CCL18: variants seen among roughly 807,000 people sequenced by gnomAD.
CCL18 encodes C-C motif chemokine ligand 18.
A neutral mutation model predicts 8.0 loss-of-function variants in CCL18; 7 were observed. That is an observed-to-expected ratio of 0.87 (90% CI 0.50 to 1.64). The LOEUF (loss-of-function observed/expected upper bound fraction) is 1.64. Among genes scored for constraint, CCL18 ranks in the 40% most tolerant of loss-of-function variants. The probability of loss-of-function intolerance (pLI) is 0.00; values close to 1 mark genes in which losing one functional copy is unlikely to be tolerated. For synonymous variants in CCL18, 35 were observed against 41.3 expected (o/e 0.85, Z 0.59); for missense variants, 95 against 107.8 (o/e 0.88, Z 0.52).
chr17:36,069,570 G>T (rs1041504611), intron 1 of CCL18, among the ~76,000 whole-genome samples: 1 of 152,084 alleles, frequency 6.6e-6, no homozygotes, highest in African/African-American at 2.4e-5. Context: ...CATGTACCCC[G>T]AACTTAAAAG....
At chr17:36,070,059 C>T (rs1274347668) in intron 1 of CCL18, among the ~76,000 whole-genome samples, 2 of 151,828 alleles carry the variant, frequency 1.3e-5, no homozygotes, top group African/African-American at 2.4e-5. Context: ...AAATGGAGGC[C>T]CACGGGGATT....
intron 1 of CCL18, among the ~76,000 whole-genome samples, chr17:36,068,058 G>A (rs1040393471): frequency 2.0e-5 from 3 of 152,226 alleles, no homozygotes; most frequent in East Asian, 1.9e-4. Flanking sequence ...GAAGGTGTAC[G>A]GTAGACTACA....
rs758200108 is a variant in CCL18 at position 36,071,080 on chromosome 17, G to A, written c.*39G>A. ...TGCGAGGGCCCAGTGAACTTGGTGG[G>A]CCCAGGAGGGAACAGGAGCCTGAGC... On this transcript the variant is annotated 3_prime_UTR_variant, in exon 3 of 3. Transcript: ENST00000616054. 4.1e-6 allele frequency: 6 copies of A among 1,451,426 alleles called. No individual in the cohort carries two copies. The highest frequency in any genetic ancestry group is 4.8e-6 in the Non-Finnish European group (5 of 1,037,824). 89.9% of individuals were successfully genotyped at this position (1,451,426 alleles called of 1,614,324 possible).
rs1417485068 is a variant in CCL18, at chr17:36,064,494, G to C, written c.67+85G>C. 3 of 1,031,346 alleles carry C rather than the reference G, an allele frequency of 2.9e-6. No individual in the cohort carries two copies. In the African/African-American group the frequency reaches 4.8e-5, roughly 17 times the overall value. 63.9% of individuals were successfully genotyped at this position (1,031,346 alleles called of 1,614,324 possible). A position where few individuals can be genotyped will look rare whatever the true frequency, so the allele number is the denominator to read the frequency against. On this transcript the variant is annotated intron_variant, in intron 1 of 2. Transcript: ENST00000616054. ...CAAGTGCTGTGGCCTGAAAACCCTC[G>C]TGTGAAATTAGGGATCCTCAAATGG... is the stretch of plus-strand genomic sequence containing the variant.
intron 1 of CCL18, 57 bp downstream of exon 1, chr17:36,064,466 T>A (rs1240411611): frequency 7.4e-7 from 1 of 1,354,490 alleles, no homozygotes; most frequent in South Asian, 1.2e-5. Flanking sequence ...AGGCGACATC[T>A]TCCAAGTGCT....
At position 36,071,192 on chromosome 17, in the gene CCL18, A is replaced by T. The variant is rs1223929355; in HGVS notation, c.*151A>T. On this transcript the variant is annotated 3_prime_UTR_variant, in exon 3 of 3. Coordinates refer to ENST00000616054, the MANE Select transcript of CCL18 (RefSeq NM_002988.4). The stretch of plus-strand genomic sequence containing the variant: ...AGCCACATTAACTAACTTTAATCTT[A>T]GTTTATGCATCATATTTCATTTTGA... 4 of 580,212 alleles carry T rather than the reference A, an allele frequency of 6.9e-6. No homozygotes were observed. The highest frequency in any genetic ancestry group is 3.2e-5 in the Admixed American group (1 of 31,150). The allele number at this position is 580,212 out of a possible 1,614,324, so 35.9% of individuals were successfully genotyped here.
At position 36,066,118 on chromosome 17, in the gene CCL18, C is replaced by G. The variant is rs2066835817; in HGVS notation, c.67+1709C>G. 2.0e-5 allele frequency among the ~76,000 whole-genome samples: 3 copies of G among 152,196 alleles called. No homozygotes were observed. In the South Asian group the frequency reaches 6.2e-4, roughly 32 times the overall value. On this transcript the variant is annotated intron_variant, in intron 1 of 2. Coordinates refer to ENST00000616054, the MANE Select transcript of CCL18 (RefSeq NM_002988.4). Reference sequence around the variant, plus strand: ...TGCCTTTCAGATCTAGGTTAGATATCTAAGTCCTCAGAAAATAGCCCAGAA... The same window carrying G: ...TGCCTTTCAGATCTAGGTTAGATATGTAAGTCCTCAGAAAATAGCCCAGAA...
chr17:36,068,618 A>G (rs1432746282), intron 1 of CCL18, among the ~76,000 whole-genome samples: 3 of 152,242 alleles, frequency 2.0e-5, no homozygotes, highest in Non-Finnish European at 4.4e-5. Flanking sequence ...TAAAAACACT[A>G]GTAACATTGC....
At chr17:36,065,171 T>A (rs762177339) in intron 1 of CCL18, among the ~76,000 whole-genome samples, 8 of 152,178 alleles carry the variant, frequency 5.3e-5, no homozygotes, top group Non-Finnish European at 8.8e-5. Context: ...AAAATTAAAA[T>A]CCTATGATAT....
Position 36,071,054 on chromosome 17 carries a change from C to G in CCL18, c.*13C>G, listed in dbSNP as rs761900736. On this transcript the variant is annotated 3_prime_UTR_variant, in exon 3 of 3. Transcript: ENST00000616054. ...GCTGAATGCCTGAGGGGCCTGGAAG[C>G]TGCGAGGGCCCAGTGAACTTGGTGG... 1 of 1,594,452 alleles carries G rather than the reference C, an allele frequency of 6.3e-7. No homozygotes were observed. Among genetic ancestry groups the G allele is most frequent in the Admixed American group, 1.7e-5 (1 of 59,794 alleles).
Position 36,071,129 on chromosome 17 carries a change from G to A in CCL18, c.*88G>A. ...GCCAGGGCAATGGCCCTGCCACCCT[G>A]GAGGCTACCTCTTCTAAGAGTCCCA... On this transcript the variant is annotated 3_prime_UTR_variant, in exon 3 of 3. Transcript: ENST00000616054. 1 of 819,772 alleles carries A rather than the reference G, an allele frequency of 1.2e-6. No individual in the cohort carries two copies. The highest frequency in any genetic ancestry group is 2.0e-6 in the Non-Finnish European group (1 of 493,444). 50.8% of individuals were successfully genotyped at this position (819,772 alleles called of 1,614,324 possible). A position where few individuals can be genotyped will look rare whatever the true frequency, so the allele number is the denominator to read the frequency against.
chr17:36,070,522 C>G lies in CCL18; in HGVS notation c.143C>G (p.Ser48Cys). Residue 48 changes from serine to cysteine, a missense_variant, in exon 2 of 3, where the codon TCT (serine) becomes TGT (cysteine). Physicochemically the swap from Ser to Cys is moderately radical, Grantham distance 112. Transcript: ENST00000616054. Reference sequence around the variant, plus strand: ...CCACAAAAGTTCATAGTTGACTATTCTGAAACCAGCCCCCAGTGCCCCAAG... The same window carrying G: ...CCACAAAAGTTCATAGTTGACTATTGTGAAACCAGCCCCCAGTGCCCCAAG... ...QIPQKFIVDY[S>C]ETSPQCPKPG... The G allele has an allele frequency of 6.2e-7, 1 of 1,613,788 alleles. No individual in the cohort carries two copies. Among genetic ancestry groups the G allele is most frequent in the Non-Finnish European group, 8.5e-7 (1 of 1,179,634 alleles).
Position 36,071,057 on chromosome 17 carries a change from C to A in CCL18, c.*16C>A. Reference sequence around the variant, plus strand: ...GAATGCCTGAGGGGCCTGGAAGCTGCGAGGGCCCAGTGAACTTGGTGGGCC... The same window carrying A: ...GAATGCCTGAGGGGCCTGGAAGCTGAGAGGGCCCAGTGAACTTGGTGGGCC... On this transcript the variant is annotated 3_prime_UTR_variant, in exon 3 of 3. Coordinates refer to ENST00000616054, the MANE Select transcript of CCL18 (RefSeq NM_002988.4). The A allele has an allele frequency of 6.3e-7, 1 of 1,589,888 alleles. No individual in the cohort carries two copies. The highest frequency in any genetic ancestry group is 8.6e-7 in the Non-Finnish European group (1 of 1,158,684).
intron 2 of CCL18, 116 bp downstream of exon 2, chr17:36,070,674 G>T: frequency 1.4e-6 from 1 of 689,658 alleles, no homozygotes; most frequent in Admixed American, 2.5e-5. Context: ...TCCAGGGGAG[G>T]CCCCTGCAGT....
At chr17:36,064,664 G>C (rs1461740717) in intron 1 of CCL18, among the ~76,000 whole-genome samples, 1 of 152,148 alleles carries the variant, frequency 6.6e-6, no homozygotes, top group Non-Finnish European at 1.5e-5. Flanking sequence ...ATTAGCGTGA[G>C]GTAGAATCTA....
In CCL18 at chr17:36,068,030, C is replaced by A. The variant is rs74746415; in HGVS notation, c.68-2417C>A. Reference sequence around the variant, plus strand: ...GTACAACTTTGTAGCCTAGGAGCTACAGGCTGTACCATACAGTGAAGGTGT... The same window carrying A: ...GTACAACTTTGTAGCCTAGGAGCTAAAGGCTGTACCATACAGTGAAGGTGT... On this transcript the variant is annotated intron_variant, in intron 1 of 2. Coordinates refer to ENST00000616054, the MANE Select transcript of CCL18 (RefSeq NM_002988.4). 8.0e-3 allele frequency among the ~76,000 whole-genome samples: 1,225 copies of A among 152,264 alleles called. 23 individuals carry two copies. Among genetic ancestry groups the A allele is most frequent in the African/African-American group, 0.028 (1,145 of 41,544 alleles).
At chr17:36,069,435 A>T (rs958464013) in intron 1 of CCL18, among the ~76,000 whole-genome samples, 12 of 152,244 alleles carry the variant, frequency 7.9e-5, no homozygotes, top group African/African-American at 2.7e-4. Flanking sequence ...TATCATGATT[A>T]AAAAATTTTC....
intron 1 of CCL18, among the ~76,000 whole-genome samples, chr17:36,066,619 T>G (rs944804708): frequency 9.2e-5 from 14 of 152,240 alleles, no homozygotes; most frequent in Non-Finnish European, 1.8e-4. Context: ...TTGTTGGGGC[T>G]GAATGTGCAG....
Position 36,064,292 on chromosome 17 carries a change from G to A in CCL18, c.-51G>A, listed in dbSNP as rs774926948. 11 of 1,441,946 alleles carry A rather than the reference G, an allele frequency of 7.6e-6. No individual in the cohort carries two copies. Among genetic ancestry groups the A allele is most frequent in the South Asian group, 4.6e-5 (4 of 87,580 alleles). 89.3% of individuals were successfully genotyped at this position (1,441,946 alleles called of 1,614,324 possible). A position where few individuals can be genotyped will look rare whatever the true frequency, so the allele number is the denominator to read the frequency against. On this transcript the variant is annotated 5_prime_UTR_variant, in exon 1 of 3. Coordinates refer to ENST00000616054, the MANE Select transcript of CCL18 (RefSeq NM_002988.4). ...ACCCCAGAAGGAGGCCAGGAGTTGT[G>A]AGTTTCCAAGCCCCAGCTCACTCTG...
Sources: gnomAD v4.1 joint callset for allele counts (sites outside exome capture counted in the v4.1 genomes callset) on GRCh38, gnomAD v4.1.1 for gene constraint, MANE v1.5 for transcripts, NCBI Gene and HGNC (gene_info 2026-07-23, HGNC 2026-07-21) for gene names.